The following TACC2 variants were observed in gnomAD, a reference collection of about 807,000 sequenced individuals.
TACC2 encodes the protein transforming acidic coiled-coil containing protein 2.
A neutral mutation model predicts 227.3 loss-of-function variants in TACC2; 137 were observed. The ratio of observed to expected loss-of-function variants is 0.60; its 90% confidence interval spans 0.52 to 0.69. The LOEUF (loss-of-function observed/expected upper bound fraction) is 0.69, where lower values mean the gene tolerates loss of function less well. TACC2 is among the 30% of genes least tolerant of loss of function. The probability of loss-of-function intolerance (pLI) is 0.00; values close to 1 mark genes in which losing one functional copy is unlikely to be tolerated. For missense variants in TACC2, 3,470 were observed against 3,694.4 expected (o/e 0.94, Z 1.57); for synonymous variants, 1,523 against 1,487.5 (o/e 1.02, Z -0.55).
chr10:122,081,564 G>T (rs1470647492), intron 3 of TACC2, among the ~76,000 whole-genome samples: 1 of 149,628 alleles, frequency 6.7e-6, no homozygotes, highest in Non-Finnish European at 1.5e-5. Context: ...TTAAAACTGT[G>T]TAGAATTGAG....
chr10:122,061,285 CAAAAAAAA>C (rs58324245), intron 3 of TACC2, among the ~76,000 whole-genome samples: 2 of 87,108 alleles, frequency 2.3e-5, no homozygotes, highest in Non-Finnish European at 4.2e-5. Context: ...CACTCCGTCT[CAAAAAAAA>C]AAAAAAAAAA....
chr10:122,051,699 A>G (rs1326052464), intron 3 of TACC2: 2 of 151,976 alleles, frequency 1.3e-5, no homozygotes, highest in Non-Finnish European at 2.9e-5. Flanking sequence ...GGCCCCTGTC[A>G]TAGACAATGC....
At chr10:122,222,946 A>G (rs1325009866) in intron 11 of TACC2, among the ~76,000 whole-genome samples, 1 of 152,086 alleles carries the variant, frequency 6.6e-6, no homozygotes, top group Non-Finnish European at 1.5e-5. Context: ...CAGTAAAATG[A>G]TAGTCCCAGA....
chr10:122,249,397 G>T, intron 21 of TACC2, 147 bp from the exon 22 acceptor site: 2 of 1,132,676 alleles, frequency 1.8e-6, no homozygotes, highest in Non-Finnish European at 2.5e-6. Flanking sequence ...AATTGGGTTT[G>T]GTGTTCTCAT....
intron 1 of TACC2, among the ~76,000 whole-genome samples, chr10:122,016,261 G>GAAAAAA (rs66489609): frequency 3.9e-5 from 4 of 103,322 alleles, no homozygotes; most frequent in African/African-American, 1.6e-4. Context: ...GACCCTGTCT[G>GAAAAAA]AAAAAAAAAA....
chr10:122,183,353 G>A (rs1351789212), intron 7 of TACC2, among the ~76,000 whole-genome samples: 3 of 152,164 alleles, frequency 2.0e-5, no homozygotes, highest in African/African-American at 4.8e-5. Context: ...TCAGTCTCCC[G>A]TTGGCTCTAT....
At chr10:122,122,066 A>G (rs1454919523) in intron 5 of TACC2, among the ~76,000 whole-genome samples, 1 of 152,072 alleles carries the variant, frequency 6.6e-6, no homozygotes, top group East Asian at 1.9e-4. Flanking sequence ...TCTATAAAAT[A>G]ACTTGTTAGC....
chr10:122,106,464 AT>A (rs1565317148), intron 5 of TACC2, among the ~76,000 whole-genome samples: 1 of 152,166 alleles, frequency 6.6e-6, no homozygotes, highest in East Asian at 1.9e-4. Flanking sequence ...CTGGCTTCTC[AT>A]TTCTATGTGG....
At chr10:122,253,472 T>C (rs1230319346) in intron 22 of TACC2, among the ~76,000 whole-genome samples, 1 of 152,154 alleles carries the variant, frequency 6.6e-6, no homozygotes, top group Non-Finnish European at 1.5e-5. Flanking sequence ...AGCTCGCATC[T>C]GCCCCCCACC....
At chr10:122,184,276 G>C (rs1171405364) in intron 7 of TACC2, among the ~76,000 whole-genome samples, 1 of 152,138 alleles carries the variant, frequency 6.6e-6, no homozygotes, top group Non-Finnish European at 1.5e-5. Context: ...CTTGGAGGGG[G>C]TCCCCGAGGC....
chr10:122,044,558 G>A (rs1284558170), intron 2 of TACC2, among the ~76,000 whole-genome samples: 1 of 152,124 alleles, frequency 6.6e-6, no homozygotes, highest in Non-Finnish European at 1.5e-5. Flanking sequence ...TCAAAGAGGG[G>A]GCGACTTAGG....
rs775273221 is a variant in TACC2, at chr10:122,022,017, G to T, written c.33+3G>T. The stretch of plus-strand genomic sequence containing the variant: ...AGAACAGCACCTCGGACAACCAGGT[G>T]GGTGTCAGGAAGCTTCTCTCTCGAG... On this transcript the variant is annotated splice_donor_region_variant and intron_variant, in intron 2 of 22. Coordinates refer to ENST00000369005, the MANE Select transcript of TACC2 (RefSeq NM_206862.4). The T allele has an allele frequency of 1.2e-6, 2 of 1,614,134 alleles. No individual in the cohort carries two copies. The highest frequency in any genetic ancestry group is 1.7e-6 in the Non-Finnish European group (2 of 1,180,010).
intron 5 of TACC2, among the ~76,000 whole-genome samples, chr10:122,108,048 C>T (rs761502281): frequency 2.4e-4 from 36 of 151,036 alleles, no homozygotes; most frequent in East Asian, 2.3e-3. Flanking sequence ...CCCACCACCA[C>T]GCCCGGCTAA....
intron 6 of TACC2, among the ~76,000 whole-genome samples, chr10:122,132,939 C>T (rs1437859591): frequency 6.6e-6 from 1 of 152,124 alleles, no homozygotes; most frequent in Admixed American, 6.5e-5. Flanking sequence ...TAGGAATGAT[C>T]TGAGATACCA....
At chr10:122,131,944 C>T (rs549775498) in intron 5 of TACC2, among the ~76,000 whole-genome samples, 3 of 152,152 alleles carry the variant, frequency 2.0e-5, no homozygotes, top group South Asian at 2.1e-4. Context: ...ATTGCTTGAA[C>T]CCGTGAGGCG....
chr10:122,165,128 C>T (rs1450560064), intron 7 of TACC2, among the ~76,000 whole-genome samples: 2 of 152,188 alleles, frequency 1.3e-5, no homozygotes, highest in African/African-American at 4.8e-5. Flanking sequence ...CTTGAGAAAG[C>T]ATCGTCTTAC....
chr10:122,111,902 A>C (rs1321642907), intron 5 of TACC2, among the ~76,000 whole-genome samples: 2 of 150,658 alleles, frequency 1.3e-5, no homozygotes, highest in African/African-American at 4.8e-5. Context: ...CGATACGAGG[A>C]AACCTGTGAT....
intron 2 of TACC2, among the ~76,000 whole-genome samples, chr10:122,040,985 C>T (rs751435344): frequency 3.3e-5 from 5 of 152,164 alleles, no homozygotes; most frequent in African/African-American, 4.8e-5. Context: ...CCCTGCTCTG[C>T]GTACAAGATG....
chr10:122,106,897 T>C (rs1025640263), intron 5 of TACC2, among the ~76,000 whole-genome samples: 2 of 152,186 alleles, frequency 1.3e-5, no homozygotes, highest in African/African-American at 4.8e-5. Flanking sequence ...CCACATTCAG[T>C]GTGTGGCCAG....
Sources: gnomAD v4.1 joint callset for allele counts (sites outside exome capture counted in the v4.1 genomes callset) on GRCh38, gnomAD v4.1.1 for gene constraint, MANE v1.5 for transcripts, NCBI Gene and HGNC (gene_info 2026-07-23, HGNC 2026-07-21) for gene names.